Variants in CHLSN observed in about 807,000 individuals in gnomAD.
CHLSN encodes the protein cholesin, also known as protein cholesin.
At chr7:1,010,912 G>A in the CHLSN span, among the ~76,000 whole-genome samples, 1 of 151,308 alleles carries the variant, frequency 6.6e-6, no homozygotes, top group Non-Finnish European at 1.5e-5. Flanking sequence ...GGAGCCCAGG[G>A]AAACAGCTAG....
At chr7:1,126,951 C>T in the CHLSN span, among the ~76,000 whole-genome samples, 3 of 152,248 alleles carry the variant, frequency 2.0e-5, no homozygotes, top group Non-Finnish European at 2.9e-5. Flanking sequence ...AGGGCCCAAC[C>T]GAAGGCCTGC....
the CHLSN span, among the ~76,000 whole-genome samples, chr7:1,081,171 G>A: frequency 6.6e-6 from 1 of 152,258 alleles, no homozygotes; most frequent in African/African-American, 2.4e-5. Context: ...GGGCCACCAG[G>A]GCCGGGGACG....
chr7:1,138,074 G>C, the CHLSN span: 2 of 149,844 alleles, frequency 1.3e-5, no homozygotes, highest in African/African-American at 2.4e-5. Flanking sequence ...GCGCCGCGCC[G>C]GGCCTCCGCG....
the CHLSN span, among the ~76,000 whole-genome samples, chr7:983,755 C>T: frequency 6.6e-6 from 1 of 152,218 alleles, no homozygotes; most frequent in Non-Finnish European, 1.5e-5. Flanking sequence ...CCCCCTCGGC[C>T]CTCAGGTGTT....
chr7:1,121,253 T>G, the CHLSN span, among the ~76,000 whole-genome samples: 2 of 151,290 alleles, frequency 1.3e-5, no homozygotes, highest in Non-Finnish European at 2.9e-5. Flanking sequence ...CAACCCGGCA[T>G]GCAGCAGTCA....
chr7:1,044,573 G>A, the CHLSN span: 2 of 150,700 alleles, frequency 1.3e-5, no homozygotes, highest in African/African-American at 2.4e-5. Context: ...GGGCCCGGGC[G>A]GCGTGCGCGC....
At chr7:1,053,342 C>A in the CHLSN span, among the ~76,000 whole-genome samples, 1 of 152,210 alleles carries the variant, frequency 6.6e-6, no homozygotes, top group African/African-American at 2.4e-5. Context: ...GAGCCCAGAA[C>A]CTTGCGCAGG....
the CHLSN span, among the ~76,000 whole-genome samples, chr7:978,053 C>T: frequency 6.6e-6 from 1 of 152,240 alleles, no homozygotes; most frequent in Non-Finnish European, 1.5e-5. Flanking sequence ...ACAGCCCCTC[C>T]GTTGGGGCTG....
At chr7:1,022,862 G>T in the CHLSN span, 1 of 362,524 alleles carries the variant, frequency 2.8e-6, no homozygotes, top group Non-Finnish European at 5.6e-6. Context: ...GAAGACCCAC[G>T]CATACGAGTC....
the CHLSN span, among the ~76,000 whole-genome samples, chr7:1,060,946 C>G: frequency 6.6e-6 from 1 of 152,158 alleles, no homozygotes; most frequent in African/African-American, 2.4e-5. Context: ...CCTCCTACCC[C>G]TGCAGCCCAG....
the CHLSN span, among the ~76,000 whole-genome samples, chr7:1,075,602 G>A: frequency 1.5e-5 from 2 of 133,114 alleles, no homozygotes; most frequent in Non-Finnish European, 3.2e-5. Context: ...ACAACAAATC[G>A]GGTCACTTTT....
chr7:1,064,988 C>T, the CHLSN span, among the ~76,000 whole-genome samples: 1 of 152,256 alleles, frequency 6.6e-6, no homozygotes, highest in Non-Finnish European at 1.5e-5. Flanking sequence ...AGACAGCGTT[C>T]CCCGCTGTCC....
At chr7:1,125,690 G>A in the CHLSN span, among the ~76,000 whole-genome samples, 2 of 152,254 alleles carry the variant, frequency 1.3e-5, no homozygotes, top group Non-Finnish European at 2.9e-5. Flanking sequence ...CATGAGAACA[G>A]GAACAAAGCC....
At chr7:1,008,712 G>A in the CHLSN span, among the ~76,000 whole-genome samples, 1 of 152,134 alleles carries the variant, frequency 6.6e-6, no homozygotes, top group Non-Finnish European at 1.5e-5. Context: ...GTGGAGGACC[G>A]TCCTGGGGAT....
chr7:991,949 C>G, the CHLSN span, among the ~76,000 whole-genome samples: 4 of 152,172 alleles, frequency 2.6e-5, no homozygotes, highest in African/African-American at 9.7e-5. Flanking sequence ...CCTGCTTTAT[C>G]CACGCACCTG....
the CHLSN span, among the ~76,000 whole-genome samples, chr7:1,000,313 C>CCGGGAGA: frequency 1.4e-5 from 2 of 142,696 alleles, no homozygotes; most frequent in Admixed American, 1.4e-4. Flanking sequence ...ACCTCAGCCC[C>CCGGGAGA]CGGGAGACGT....
At chr7:1,037,189 T>G in the CHLSN span, among the ~76,000 whole-genome samples, 4 of 145,200 alleles carry the variant, frequency 2.8e-5, no homozygotes, top group African/African-American at 9.9e-5. Context: ...AAAAAATCTG[T>G]AGTTATGTCA....
the CHLSN span, among the ~76,000 whole-genome samples, chr7:1,001,030 G>C: frequency 6.6e-6 from 1 of 152,214 alleles, no homozygotes. Flanking sequence ...CTGCTAGAGG[G>C]GCCGCTCCCC....
chr7:1,077,336 T>C, the CHLSN span, among the ~76,000 whole-genome samples: 3 of 152,304 alleles, frequency 2.0e-5, no homozygotes, highest in African/African-American at 7.2e-5. Context: ...TTTGTATTTT[T>C]AGCAGAGATG....
Sources: allele counts gnomAD v4.1 joint callset (sites outside exome capture counted in the v4.1 genomes callset), GRCh38; gene constraint gnomAD v4.1.1; transcripts MANE v1.5; gene names NCBI Gene and HGNC (gene_info 2026-07-23, HGNC 2026-07-21).